The following ADAMTS3 variants were observed in gnomAD, a reference collection of about 807,000 sequenced individuals.
ADAMTS3 encodes ADAM metallopeptidase with thrombospondin type 1 motif 3, also known as A disintegrin and metalloproteinase with thrombospondin motifs 3.
A neutral mutation model predicts 129.0 loss-of-function variants in ADAMTS3; 73 were observed. The ratio of observed to expected loss-of-function variants is 0.57; its 90% CI spans 0.47 to 0.69. The LOEUF is 0.69. Among genes scored for constraint, ADAMTS3 ranks in the 30% least tolerant of loss-of-function variants. The pLI is 0.00. For missense variants in ADAMTS3, 1,457 were observed against 1,514.5 expected, an observed-to-expected ratio of 0.96 and a Z score of 0.63; for synonymous variants, 477 against 510.8, an observed-to-expected ratio of 0.93 and a Z score of 0.89.
chr4:72,439,208 AC>A (rs1718047026), intron 3 of ADAMTS3, among the ~76,000 whole-genome samples: 1 of 151,750 alleles, frequency 6.6e-6, no homozygotes, highest in East Asian at 2.0e-4. Flanking sequence ...TAAAAACAGT[AC>A]ATGCCATTTC....
intron 3 of ADAMTS3, among the ~76,000 whole-genome samples, chr4:72,494,010 T>A (rs1233628729): frequency 6.6e-6 from 1 of 152,174 alleles, no homozygotes; most frequent in Admixed American, 6.6e-5. Flanking sequence ...TCTATCTTTG[T>A]CTTTGACATT....
At chr4:72,478,655 C>T (rs1157462052) in intron 3 of ADAMTS3, among the ~76,000 whole-genome samples, 3 of 149,832 alleles carry the variant, frequency 2.0e-5, no homozygotes, top group East Asian at 2.0e-4. Context: ...CCCTCTCTCA[C>T]CACTCCTATT....
chr4:72,529,034 G>C (rs1020445505), intron 3 of ADAMTS3, among the ~76,000 whole-genome samples: 2 of 152,066 alleles, frequency 1.3e-5, no homozygotes, highest in Non-Finnish European at 2.9e-5. Context: ...AGCTAGAATG[G>C]TCAGGAAAAT....
At chr4:72,541,627 G>C (rs546930012) in intron 3 of ADAMTS3, among the ~76,000 whole-genome samples, 1 of 152,278 alleles carries the variant, frequency 6.6e-6, no homozygotes, top group Non-Finnish European at 1.5e-5. Context: ...TCAGTGAGAG[G>C]TAATTGAATC....
chr4:72,352,348 T>G (rs1720461562), intron 4 of ADAMTS3, among the ~76,000 whole-genome samples: 1 of 151,964 alleles, frequency 6.6e-6, no homozygotes, highest in Admixed American at 6.6e-5. Flanking sequence ...ATTCCACATC[T>G]CAATTCATTC....
chr4:72,549,994 G>GAA (rs1560563921), intron 2 of ADAMTS3, among the ~76,000 whole-genome samples: 3 of 6,562 alleles, frequency 4.6e-4, no homozygotes, highest in Admixed American at 1.1e-3. Flanking sequence ...AAGAAGAAGA[G>GAA]GAAGAGGAAG....
intron 17 of ADAMTS3, among the ~76,000 whole-genome samples, chr4:72,303,042 C>T (rs1474958076): frequency 1.3e-5 from 2 of 152,136 alleles, no homozygotes; most frequent in African/African-American, 4.8e-5. Context: ...TTGCTTTGCA[C>T]AGCTCTAGGA....
intron 21 of ADAMTS3, among the ~76,000 whole-genome samples, chr4:72,284,625 A>G (rs960763377): frequency 6.6e-6 from 1 of 152,196 alleles, no homozygotes; most frequent in Non-Finnish European, 1.5e-5. Flanking sequence ...TGTTTAAAGG[A>G]TACTTAGTAA....
At chr4:72,429,558 C>A (rs531914932) in intron 3 of ADAMTS3, among the ~76,000 whole-genome samples, 6 of 152,142 alleles carry the variant, frequency 3.9e-5, no homozygotes, top group Admixed American at 2.0e-4. Context: ...TACCAAAGTG[C>A]ATGATCATCC....
At chr4:72,489,360 GAAGT>G (rs1452835376) in intron 3 of ADAMTS3, among the ~76,000 whole-genome samples, 3 of 151,928 alleles carry the variant, frequency 2.0e-5, no homozygotes, top group Non-Finnish European at 4.4e-5. Context: ...AAAAATTCCA[GAAGT>G]AACAATTCAT....
At chr4:72,454,101 T>G (rs550287497) in intron 3 of ADAMTS3, among the ~76,000 whole-genome samples, 1 of 151,346 alleles carries the variant, frequency 6.6e-6, no homozygotes, top group Non-Finnish European at 1.5e-5. Context: ...GAAAGCAACT[T>G]CAATAAAAAT....
At chr4:72,341,675 G>GA (rs1720141186) in intron 4 of ADAMTS3, among the ~76,000 whole-genome samples, 1 of 152,192 alleles carries the variant, frequency 6.6e-6, no homozygotes, top group South Asian at 2.1e-4. Flanking sequence ...CTTGATGTGT[G>GA]AATGAAGTAG....
At position 72,315,271 on chromosome 4, in the gene ADAMTS3, G is replaced by A. The variant is rs148076022; in HGVS notation, c.1599+587C>T. ...CCAAAGATATCAAGTCTTAATCCCC[G>A]GAACCTGTAAATGTTACCTTATTTG... On this transcript the variant is annotated intron_variant, in intron 11 of 21. Transcript: ENST00000286657. 1.6e-3 allele frequency among the ~76,000 whole-genome samples: 241 copies of A among 152,188 alleles called. 2 individuals carry two copies. The highest frequency in any genetic ancestry group is 5.5e-3 in the African/African-American group (229 of 41,518).
rs72853091 is a variant in ADAMTS3 at position 72,537,209 on chromosome 4, A to G, written c.504+11269T>C. The stretch of plus-strand genomic sequence containing the variant: ...CACATATTCCTAGAGCAGCTTGCAT[A>G]AAACCTGCAGGAGCAAATGTGGGCA... On this transcript the variant is annotated intron_variant, in intron 3 of 21. Coordinates refer to ENST00000286657, the MANE Select transcript of ADAMTS3 (RefSeq NM_014243.3). Among the ~76,000 whole-genome samples, 958 of 152,328 alleles carry G rather than the reference A, an allele frequency of 6.3e-3. 18 individuals carry two copies. The highest frequency in any genetic ancestry group is 0.022 in the African/African-American group (910 of 41,572).
chr4:72,286,402 A>G (rs1718506800), intron 21 of ADAMTS3, among the ~76,000 whole-genome samples: 1 of 152,368 alleles, frequency 6.6e-6, no homozygotes, highest in South Asian at 2.1e-4. Context: ...GATTAAATAT[A>G]TAAGTCCTAT....
At position 72,478,753 on chromosome 4, in the gene ADAMTS3, G is replaced by C. The variant is rs1011467327; in HGVS notation, c.505-63782C>G. Among the ~76,000 whole-genome samples, 3 of 152,090 alleles carry C rather than the reference G, an allele frequency of 2.0e-5. No individual in the cohort carries two copies. The East Asian group carries it at 5.8e-4, about 29-fold the overall frequency. On this transcript the variant is annotated intron_variant, in intron 3 of 21. Coordinates refer to ENST00000286657, the MANE Select transcript of ADAMTS3 (RefSeq NM_014243.3). ...AATTAGGAAAAGAGGAAGTCAAATT[G>C]TCCCTGTTTGCAGTTGACATGATTC...
chr4:72,298,444 TAACA>T lies in ADAMTS3; in HGVS notation c.2425-6_2425-3del, dbSNP rs1264796455. The T allele has an allele frequency of 6.3e-7, 1 of 1,584,286 alleles. No homozygotes were observed. Among genetic ancestry groups the T allele is most frequent in the Admixed American group, 1.7e-5 (1 of 58,642 alleles). ...GGTATCATTTTCTTGAGGTATAATC[TAACA>T]TACACATGAAATCAATATGTAAATC... On this transcript the variant is annotated splice_polypyrimidine_tract_variant and splice_region_variant and intron_variant, in intron 17 of 21. Transcript: ENST00000286657.
intron 4 of ADAMTS3, among the ~76,000 whole-genome samples, chr4:72,342,855 T>C (rs530456442): frequency 6.6e-6 from 1 of 152,280 alleles, no homozygotes; most frequent in African/African-American, 2.4e-5. Flanking sequence ...CCAACACCTA[T>C]TGAAGTGGCA....
chr4:72,408,423 C>A (rs1250618594), intron 4 of ADAMTS3, among the ~76,000 whole-genome samples: 1 of 151,412 alleles, frequency 6.6e-6, no homozygotes, highest in Non-Finnish European at 1.5e-5. Flanking sequence ...TTTGCAAAAT[C>A]CTAAATGAAC....
Sources: gnomAD v4.1 joint callset for allele counts (sites outside exome capture counted in the v4.1 genomes callset) on GRCh38, gnomAD v4.1.1 for gene constraint, MANE v1.5 for transcripts, NCBI Gene and HGNC (gene_info 2026-07-23, HGNC 2026-07-21) for gene names.